EYS: variants seen among roughly 807,000 people sequenced by gnomAD.
EYS encodes EGF-like photoreceptor maintenance factor, also known as protein eyes shut homolog.
A neutral mutation model predicts 282.1 loss-of-function variants in EYS; 250 were observed. The observed-to-expected ratio is 0.89, with a 90% confidence interval of 0.80 to 0.98. The LOEUF (loss-of-function observed/expected upper bound fraction) is 0.98. Among genes scored for constraint, EYS ranks in the 50% least tolerant of loss-of-function variants. The pLI is 0.00. For missense variants in EYS, 4,016 were observed against 3,709.0 expected, an observed-to-expected ratio of 1.08 and a Z score of -2.15; for synonymous variants, 1,355 against 1,282.9, an observed-to-expected ratio of 1.06 and a Z score of -1.20.
At chr6:63,829,521 G>A (rs985798310) in intron 36 of EYS, among the ~76,000 whole-genome samples, 4 of 152,180 alleles carry the variant, frequency 2.6e-5, no homozygotes, top group Admixed American at 6.5e-5. Flanking sequence ...GGGGAGGGGC[G>A]TCCACCATTG....
chr6:65,445,475 C>G (rs1372344534), intron 5 of EYS, among the ~76,000 whole-genome samples: 1 of 151,430 alleles, frequency 6.6e-6, no homozygotes, highest in Non-Finnish European at 1.5e-5. Flanking sequence ...ATTAAATTTG[C>G]CTGCTAATTT....
intron 35 of EYS, among the ~76,000 whole-genome samples, chr6:63,960,450 T>C (rs1252553285): frequency 1.3e-5 from 2 of 152,192 alleles, no homozygotes; most frequent in South Asian, 2.1e-4. Context: ...GTTGAAATGA[T>C]GACAAAGGAT....
intron 26 of EYS, among the ~76,000 whole-genome samples, chr6:64,458,111 A>G (rs959639989): frequency 6.6e-6 from 1 of 152,076 alleles, no homozygotes; most frequent in African/African-American, 2.4e-5. Context: ...TGATGTCACA[A>G]GTTACATTTT....
intron 35 of EYS, among the ~76,000 whole-genome samples, chr6:63,865,390 G>A (rs756100234): frequency 9.9e-5 from 15 of 151,994 alleles, no homozygotes; most frequent in Non-Finnish European, 1.6e-4. Flanking sequence ...ATATTCCACT[G>A]CTTTTACATT....
intron 30 of EYS, among the ~76,000 whole-genome samples, chr6:64,257,394 A>C (rs1767436421): frequency 6.6e-6 from 1 of 151,898 alleles, no homozygotes; most frequent in Admixed American, 6.6e-5. Context: ...CACCCTTTTT[A>C]CCATTTTAAT....
At chr6:64,165,526 C>A (rs1764264029) in intron 31 of EYS, among the ~76,000 whole-genome samples, 1 of 152,038 alleles carries the variant, frequency 6.6e-6, no homozygotes, top group Non-Finnish European at 1.5e-5. Context: ...AAAATGTATA[C>A]TTCAGAGCTT....
At chr6:64,400,914 C>A (rs1299771861) in intron 28 of EYS, among the ~76,000 whole-genome samples, 1 of 152,038 alleles carries the variant, frequency 6.6e-6, no homozygotes, top group East Asian at 1.9e-4. Context: ...TAATCACTAA[C>A]TACTCTCCAC....
intron 26 of EYS, among the ~76,000 whole-genome samples, chr6:64,567,540 A>G (rs1322510401): frequency 6.6e-6 from 1 of 152,220 alleles, no homozygotes; most frequent in Non-Finnish European, 1.5e-5. Context: ...GAAAATAAAC[A>G]TAATGCAATA....
chr6:65,201,334 A>G, intron 12 of EYS, among the ~76,000 whole-genome samples: 1 of 152,320 alleles, frequency 6.6e-6, no homozygotes. Flanking sequence ...CTTTTACTAA[A>G]TTCCAGCATT....
chr6:65,510,172 TC>T (rs1766814763), intron 2 of EYS, among the ~76,000 whole-genome samples: 11 of 51,860 alleles, frequency 2.1e-4, no homozygotes, highest in Admixed American at 1.6e-3. Flanking sequence ...CCCTCCCCCC[TC>T]CCCCCACCCC....
At chr6:64,665,853 G>A (rs745583653) in intron 22 of EYS, among the ~76,000 whole-genome samples, 2 of 152,100 alleles carry the variant, frequency 1.3e-5, no homozygotes, top group Admixed American at 6.6e-5. Flanking sequence ...GAGAATGCCC[G>A]ATTTTCCTAC....
intron 4 of EYS, among the ~76,000 whole-genome samples, chr6:65,492,461 A>T (rs530424756): frequency 6.6e-6 from 1 of 152,304 alleles, no homozygotes; most frequent in Non-Finnish European, 1.5e-5. Flanking sequence ...TAATAAAACC[A>T]CTAAAATAAT....
At chr6:65,488,450 T>C (rs191421098) in intron 5 of EYS, among the ~76,000 whole-genome samples, 46 of 152,160 alleles carry the variant, frequency 3.0e-4, no homozygotes, top group African/African-American at 1.1e-3. Flanking sequence ...AGGAAAACTA[T>C]AAACCACTGC....
intron 28 of EYS, among the ~76,000 whole-genome samples, chr6:64,396,729 T>A (rs1371707330): frequency 1.3e-5 from 2 of 152,116 alleles, no homozygotes; most frequent in Admixed American, 1.3e-4. Context: ...TGTCCATATA[T>A]ATGTAGGTCT....
intron 30 of EYS, among the ~76,000 whole-genome samples, chr6:64,262,097 T>C (rs1426464386): frequency 6.6e-6 from 1 of 152,022 alleles, no homozygotes; most frequent in Non-Finnish European, 1.5e-5. Flanking sequence ...TTAGATGAGA[T>C]AAAATTGTAA....
intron 12 of EYS, among the ~76,000 whole-genome samples, chr6:65,274,365 C>G (rs919557455): frequency 6.6e-6 from 1 of 152,164 alleles, no homozygotes; most frequent in Non-Finnish European, 1.5e-5. Flanking sequence ...ACAGATGGAT[C>G]TTGGAGAATG....
intron 29 of EYS, among the ~76,000 whole-genome samples, chr6:64,361,913 C>T (rs1192142890): frequency 6.6e-6 from 1 of 151,744 alleles, no homozygotes; most frequent in African/African-American, 2.4e-5. Context: ...TAAGCATTTC[C>T]TCAGAAGCAT....
chr6:65,380,533 G>A (rs1042127874), intron 8 of EYS, among the ~76,000 whole-genome samples: 4 of 152,092 alleles, frequency 2.6e-5, no homozygotes. Context: ...AGAAAACCTA[G>A]GCAATACCAT....
chr6:64,713,175 CAATA>C (rs759054409), intron 22 of EYS: 1 of 152,152 alleles, frequency 6.6e-6, no homozygotes, highest in Non-Finnish European at 1.5e-5. Flanking sequence ...AAAATCAAGG[CAATA>C]AATATTCCTT....
Sources: gnomAD v4.1 joint callset for allele counts (sites outside exome capture counted in the v4.1 genomes callset) on GRCh38, gnomAD v4.1.1 for gene constraint, MANE v1.5 for transcripts, NCBI Gene and HGNC (gene_info 2026-07-23, HGNC 2026-07-21) for gene names.